The following IGSF21 variants were observed in gnomAD, a reference collection of about 807,000 sequenced individuals.
IGSF21 encodes immunoglobulin superfamily member 21.
A neutral mutation model predicts 46.8 loss-of-function variants in IGSF21; 28 were observed. The ratio of observed to expected loss-of-function variants is 0.60; its 90% CI spans 0.44 to 0.82. IGSF21 has a LOEUF of 0.82. IGSF21 is among the 40% of genes least tolerant of loss of function. The probability of loss-of-function intolerance (pLI) is 0.00; values close to 1 mark genes in which losing one functional copy is unlikely to be tolerated. For synonymous variants in IGSF21, 284 were observed against 273.6 expected (o/e 1.04, Z -0.38); for missense variants, 624 against 665.5 (o/e 0.94, Z 0.69).
At position 18,335,516 on chromosome 1, in the gene IGSF21, G is replaced by A. The variant is rs1418036778; in HGVS notation, c.424+506G>A. Among the ~76,000 whole-genome samples the A allele has an allele frequency of 6.6e-6, 1 of 152,144 alleles. No homozygotes were observed. The highest frequency in any genetic ancestry group is 6.5e-5 in the Admixed American group (1 of 15,280). ...ATAATACTGGTGTCTGTCTCTAGCTGGCTGGGTCCTTGGGTAAGTCTATCC... is the reference window on the plus strand; with the variant it reads ...ATAATACTGGTGTCTGTCTCTAGCTAGCTGGGTCCTTGGGTAAGTCTATCC... On this transcript the variant is annotated intron_variant, in intron 4 of 9. Coordinates refer to ENST00000251296, the MANE Select transcript of IGSF21 (RefSeq NM_032880.5). The surrounding 1 kb of genome is among the most constrained non-coding windows in gnomAD (Gnocchi z 4.8).
At chr1:18,142,704 C>T (rs934242220) in intron 1 of IGSF21, among the ~76,000 whole-genome samples, 1 of 152,212 alleles carries the variant, frequency 6.6e-6, no homozygotes, top group African/African-American at 2.4e-5. Flanking sequence ...GCACTGTCCA[C>T]AGTGGAGCCT....
At chr1:18,193,818 AG>A (rs1557581569) in intron 1 of IGSF21, among the ~76,000 whole-genome samples, 1 of 152,156 alleles carries the variant, frequency 6.6e-6, no homozygotes, top group Non-Finnish European at 1.5e-5. Context: ...AGGGATGGAC[AG>A]GGTGGGTGTT....
At position 18,335,946 on chromosome 1, in the gene IGSF21, A is replaced by G. The variant is rs564498206; in HGVS notation, c.424+936A>G. Among the ~76,000 whole-genome samples the G allele has an allele frequency of 8.7e-4, 133 of 152,248 alleles. No individual in the cohort carries two copies. Among genetic ancestry groups the G allele is most frequent in the African/African-American group, 3.0e-3 (125 of 41,556 alleles). On this transcript the variant is annotated intron_variant, in intron 4 of 9. Coordinates refer to ENST00000251296, the MANE Select transcript of IGSF21 (RefSeq NM_032880.5). The surrounding 1 kb of genome is among the most constrained non-coding windows in gnomAD (Gnocchi z 4.8). ...AAAAGCCCCTCTCTCGCAGTTACTC[A>G]TGCACCACTCAGCTCCTCTGATAAA... is the stretch of plus-strand genomic sequence containing the variant.
At chr1:18,134,175 A>G (rs1557551007) in intron 1 of IGSF21, among the ~76,000 whole-genome samples, 1 of 152,098 alleles carries the variant, frequency 6.6e-6, no homozygotes, top group Non-Finnish European at 1.5e-5. Flanking sequence ...TGAATGAATA[A>G]AAGGAAAACC....
intron 1 of IGSF21, among the ~76,000 whole-genome samples, chr1:18,193,567 G>T (rs951651347): frequency 1.3e-5 from 2 of 152,130 alleles, no homozygotes; most frequent in African/African-American, 2.4e-5. Context: ...AAAGATGTAG[G>T]CTGGGAGTCT....
At chr1:18,270,595 C>T (rs2085033068) in intron 2 of IGSF21, among the ~76,000 whole-genome samples, 1 of 152,208 alleles carries the variant, frequency 6.6e-6, no homozygotes, top group Non-Finnish European at 1.5e-5. Context: ...CAGGACTCTT[C>T]TTGGATGCTC....
At chr1:18,147,461 T>A (rs1382321296) in intron 1 of IGSF21, among the ~76,000 whole-genome samples, 1 of 152,168 alleles carries the variant, frequency 6.6e-6, no homozygotes, top group South Asian at 2.1e-4. Context: ...CTTCCTGTCC[T>A]GCAGGGCTGA....
Position 18,291,938 on chromosome 1 carries a change from A to G in IGSF21, c.256A>G (p.Met86Val), listed in dbSNP as rs777695055. 3.1e-6 allele frequency: 5 copies of G among 1,611,216 alleles called. No homozygotes were observed. Among genetic ancestry groups the G allele is most frequent in the Non-Finnish European group, 4.2e-6 (5 of 1,178,392 alleles). Reference protein sequence around the residue: ...DAMFSTNYSHMENYRKREDLV... With the variant: ...DAMFSTNYSHVENYRKREDLV... Reference sequence around the variant, plus strand: ...CATGTTCTCCACCAACTACTCACACATGGAGAACTACCGCAAGCGAGAGGA... The same window carrying G: ...CATGTTCTCCACCAACTACTCACACGTGGAGAACTACCGCAAGCGAGAGGA... The change falls in exon 3 of 10, where the codon ATG (methionine) becomes GTG (valine). Residue 86 changes from methionine to valine, a missense_variant. Transcript: ENST00000251296.
At chr1:18,194,082 TGAATTTAGGATAATAG>T (rs771588149) in intron 1 of IGSF21, among the ~76,000 whole-genome samples, 2 of 151,846 alleles carry the variant, frequency 1.3e-5, no homozygotes, top group African/African-American at 2.4e-5. Context: ...AGTGAATGAG[TGAATTTAGGATAATAG>T]GAATTTAGGA....
At chr1:18,140,757 G>A (rs938432382) in intron 1 of IGSF21, among the ~76,000 whole-genome samples, 1 of 152,200 alleles carries the variant, frequency 6.6e-6, no homozygotes, top group African/African-American at 2.4e-5. Flanking sequence ...TGGCAGGGGG[G>A]ATCCCTCTTC....
At chr1:18,215,279 T>C (rs1009049097) in intron 1 of IGSF21, among the ~76,000 whole-genome samples, 1 of 152,240 alleles carries the variant, frequency 6.6e-6, no homozygotes, top group African/African-American at 2.4e-5. Context: ...ATTCATTCAA[T>C]GTGTCCTCAA....
At chr1:18,308,407 G>A (rs937455139) in intron 3 of IGSF21, among the ~76,000 whole-genome samples, 2 of 152,142 alleles carry the variant, frequency 1.3e-5, no homozygotes, top group Admixed American at 1.3e-4. Context: ...GGCCAAGTGC[G>A]GCGGGATGAT....
intron 3 of IGSF21, among the ~76,000 whole-genome samples, chr1:18,314,785 AT>A (rs1306378822): frequency 6.6e-6 from 1 of 152,118 alleles, no homozygotes; most frequent in African/African-American, 2.4e-5. Flanking sequence ...AGACATATTT[AT>A]TTCTTGAGCG....
intron 1 of IGSF21, among the ~76,000 whole-genome samples, chr1:18,225,085 T>TCTCTCTCTCTCTCTCTCTCTCA: frequency 4.6e-4 from 24 of 51,616 alleles, no homozygotes; most frequent in Non-Finnish European, 6.0e-4. Context: ...TCTCTCTCTC[T>TCTCTCTCTCTCTCTCTCTCTCA]CACACACACA....
intron 2 of IGSF21, among the ~76,000 whole-genome samples, chr1:18,279,556 G>T (rs551738977): frequency 6.6e-6 from 1 of 152,272 alleles, no homozygotes; most frequent in South Asian, 2.1e-4. Flanking sequence ...TTAACAGATG[G>T]GGGAGCCAAG....
chr1:18,269,148 G>A (rs902436712), intron 2 of IGSF21, among the ~76,000 whole-genome samples: 5 of 152,226 alleles, frequency 3.3e-5, no homozygotes, highest in Non-Finnish European at 7.3e-5. Context: ...TTTGCAAACA[G>A]AGGGTCACTG....
chr1:18,211,061 G>A (rs2084386827), intron 1 of IGSF21, among the ~76,000 whole-genome samples: 1 of 152,070 alleles, frequency 6.6e-6, no homozygotes, highest in Admixed American at 6.5e-5. Context: ...TAGTAGAGAT[G>A]GGGTTTCACC....
chr1:18,219,891 A>G (rs138329087), intron 1 of IGSF21, among the ~76,000 whole-genome samples: 1,739 of 152,260 alleles, frequency 0.011, 28 homozygotes, highest in African/African-American at 0.039. Context: ...AGCATGAAGA[A>G]CCACACCCTC....
chr1:18,318,103 T>G (rs544964503), intron 3 of IGSF21, among the ~76,000 whole-genome samples: 1 of 152,190 alleles, frequency 6.6e-6, no homozygotes, highest in Non-Finnish European at 1.5e-5. Flanking sequence ...CAGGTAGTCA[T>G]GGTGACTATA....
Sources: gnomAD v4.1 joint callset for allele counts (sites outside exome capture counted in the v4.1 genomes callset) on GRCh38, gnomAD v4.1.1 for gene constraint, Gnocchi (gnomAD v3.1) non-coding constraint, MANE v1.5 for transcripts, NCBI Gene and HGNC (gene_info 2026-07-23, HGNC 2026-07-21) for gene names.